Variants in GRK5 observed in about 807,000 individuals in gnomAD.
GRK5 encodes the protein g protein-coupled receptor kinase GRK5.
GRK5 carries 40 observed loss-of-function variants against 78.4 expected under a neutral mutation model. The ratio of observed to expected loss-of-function variants is 0.51; its 90% CI spans 0.40 to 0.66. The LOEUF (loss-of-function observed/expected upper bound fraction) is 0.66, where lower values mean the gene tolerates loss of function less well. Among genes scored for constraint, GRK5 ranks in the 30% least tolerant of loss-of-function variants. GRK5 has a pLI of 0.00. For missense variants in GRK5, 598 were observed against 759.9 expected, an observed-to-expected ratio of 0.79 and a Z score of 2.50; for synonymous variants, 289 against 296.8, an observed-to-expected ratio of 0.97 and a Z score of 0.27.
intron 2 of GRK5, among the ~76,000 whole-genome samples, chr10:119,329,691 T>C (rs1319686909): frequency 1.3e-5 from 2 of 151,724 alleles, no homozygotes; most frequent in East Asian, 1.9e-4. Flanking sequence ...GATTGCGCCA[T>C]TGCACTGCAG....
At chr10:119,226,230 G>A (rs1016198605) in intron 1 of GRK5, among the ~76,000 whole-genome samples, 2 of 151,182 alleles carry the variant, frequency 1.3e-5, no homozygotes, top group Non-Finnish European at 1.5e-5. Flanking sequence ...TGCCCGTCTC[G>A]GCTCCCCAAA....
intron 4 of GRK5, among the ~76,000 whole-genome samples, chr10:119,408,341 CAAAAAAAAA>C (rs67973033): frequency 6.0e-4 from 29 of 48,698 alleles, no homozygotes; most frequent in Non-Finnish European, 1.1e-4. Flanking sequence ...AACCCTGTCT[CAAAAAAAAA>C]AAAAAAAAAA....
intron 1 of GRK5, among the ~76,000 whole-genome samples, chr10:119,230,398 C>T (rs559126985): frequency 1.3e-5 from 2 of 152,258 alleles, no homozygotes; most frequent in South Asian, 2.1e-4. Context: ...AATGGACTTA[C>T]AGTTCTACGT....
intron 3 of GRK5, among the ~76,000 whole-genome samples, chr10:119,387,090 C>T (rs1391423202): frequency 2.0e-5 from 3 of 152,020 alleles, no homozygotes; most frequent in Admixed American, 1.3e-4. Context: ...CTACAGCCTC[C>T]GCCTCTTGGG....
In GRK5 at chr10:119,271,238, A is replaced by G. The variant is rs1013228727; in HGVS notation, c.53-55278A>G. Among the ~76,000 whole-genome samples the G allele has an allele frequency of 9.2e-5, 14 of 152,160 alleles. No individual in the cohort carries two copies. The highest frequency in any genetic ancestry group is 6.5e-4 in the Admixed American group (10 of 15,284). On this transcript the variant is annotated intron_variant, in intron 1 of 15. Transcript: ENST00000392870. This position sits in a 1 kb window ranked among gnomAD's most constrained non-coding sequence, Gnocchi z 4.1. Reference sequence around the variant, plus strand: ...CCTCCACGCCCTTTGGGCGCTGGTCATTCAGAGAGGCCCTCTCAGACACGC... The same window carrying G: ...CCTCCACGCCCTTTGGGCGCTGGTCGTTCAGAGAGGCCCTCTCAGACACGC...
chr10:119,389,973 G>T (rs1183491966), intron 3 of GRK5, among the ~76,000 whole-genome samples: 1 of 152,232 alleles, frequency 6.6e-6, no homozygotes, highest in African/African-American at 2.4e-5. Flanking sequence ...GGAGCTTACA[G>T]TTTTGTTGAA....
intron 6 of GRK5, among the ~76,000 whole-genome samples, chr10:119,427,151 A>G (rs1046401455): frequency 6.6e-6 from 1 of 150,812 alleles, no homozygotes; most frequent in African/African-American, 2.4e-5. Flanking sequence ...CACTGCTGTT[A>G]TCAATATCCC....
At chr10:119,438,342 T>C (rs910878326) in intron 9 of GRK5, among the ~76,000 whole-genome samples, 3 of 152,076 alleles carry the variant, frequency 2.0e-5, no homozygotes, top group African/African-American at 7.2e-5. Flanking sequence ...CCCTTCAAAC[T>C]GCGGACAGGA....
chr10:119,448,389 C>A, intron 13 of GRK5, 129 bp downstream of exon 13: 1 of 985,920 alleles, frequency 1.0e-6, no homozygotes, highest in Non-Finnish European at 1.5e-6. Context: ...CCAGGGTCCC[C>A]TCCCGGCCAC....
intron 2 of GRK5, among the ~76,000 whole-genome samples, chr10:119,327,579 C>G (rs1473721521): frequency 1.3e-5 from 2 of 152,230 alleles, no homozygotes; most frequent in Non-Finnish European, 2.9e-5. Context: ...GGTGAGCTGC[C>G]CCGTGCCTGC....
chr10:119,329,857 CTTTTTTTTTTTTTTT>C, intron 2 of GRK5, among the ~76,000 whole-genome samples: 1 of 110,386 alleles, frequency 9.1e-6, no homozygotes, highest in East Asian at 3.1e-4. Context: ...CAGACACCTA[CTTTTTTTTTTTTTTT>C]TTTTTTTTGA....
chr10:119,256,831 A>C (rs958352469), intron 1 of GRK5, among the ~76,000 whole-genome samples: 1 of 152,140 alleles, frequency 6.6e-6, no homozygotes, highest in East Asian at 1.9e-4. Context: ...TCTAATTCCA[A>C]AACACTTTCA....
intron 9 of GRK5, among the ~76,000 whole-genome samples, chr10:119,437,239 G>A (rs966690864): frequency 2.6e-5 from 4 of 152,134 alleles, no homozygotes; most frequent in South Asian, 4.1e-4. Flanking sequence ...GACTTGGGTC[G>A]GGTCACTGCC....
At chr10:119,407,603 G>T (rs1564922772) in intron 4 of GRK5, among the ~76,000 whole-genome samples, 1 of 152,254 alleles carries the variant, frequency 6.6e-6, no homozygotes, top group Non-Finnish European at 1.5e-5. Context: ...AGCACCTACT[G>T]TATGCGACAT....
At chr10:119,308,045 G>A (rs1292027222) in intron 1 of GRK5, among the ~76,000 whole-genome samples, 1 of 152,122 alleles carries the variant, frequency 6.6e-6, no homozygotes, top group Non-Finnish European at 1.5e-5. Flanking sequence ...TCCAGGCATC[G>A]TCCTTGGTCC....
chr10:119,438,347 A>T lies in GRK5; in HGVS notation c.930-1384A>T, dbSNP rs557242017. Among the ~76,000 whole-genome samples the T allele has an allele frequency of 7.9e-5, 12 of 152,262 alleles. No individual in the cohort carries two copies. In the East Asian group the frequency reaches 1.9e-3, roughly 25 times the overall value. On this transcript the variant is annotated intron_variant, in intron 9 of 15. Transcript: ENST00000392870. ...GAAATCCAAACCCTTCAAACTGCGGACAGGAGGGAACCCCCTGCTCGGTCC... is the reference window on the plus strand; with the variant it reads ...GAAATCCAAACCCTTCAAACTGCGGTCAGGAGGGAACCCCCTGCTCGGTCC...
At chr10:119,276,254 C>T (rs992246490) in intron 1 of GRK5, among the ~76,000 whole-genome samples, 4 of 152,076 alleles carry the variant, frequency 2.6e-5, no homozygotes, top group African/African-American at 9.7e-5. Flanking sequence ...TCTCCTAATG[C>T]TATCCCTCCC....
At chr10:119,243,874 G>A (rs757284464) in intron 1 of GRK5, among the ~76,000 whole-genome samples, 29 of 152,356 alleles carry the variant, frequency 1.9e-4, no homozygotes, top group Non-Finnish European at 3.4e-4. Context: ...CTCTGCCTGA[G>A]TGGTAGGAGC....
intron 12 of GRK5, among the ~76,000 whole-genome samples, chr10:119,444,829 T>G (rs1253350684): frequency 6.6e-6 from 1 of 152,202 alleles, no homozygotes; most frequent in East Asian, 1.9e-4. Flanking sequence ...ATTCAGCGTG[T>G]GCATTGACAA....
Sources: allele counts gnomAD v4.1 joint callset (sites outside exome capture counted in the v4.1 genomes callset), GRCh38; gene constraint gnomAD v4.1.1; non-coding constraint Gnocchi (gnomAD v3.1); transcripts MANE v1.5; gene names NCBI Gene and HGNC (gene_info 2026-07-23, HGNC 2026-07-21).